DHTKD1: variants seen among roughly 807,000 people sequenced by gnomAD.
The protein encoded by DHTKD1 is 2-oxoadipate dehydrogenase complex component E1.
Under a neutral mutation model 101.8 loss-of-function variants are expected in DHTKD1, and 78 were observed. The ratio of observed to expected loss-of-function variants is 0.77; its 90% CI spans 0.64 to 0.93. DHTKD1 has a LOEUF of 0.93. Among genes scored for constraint, DHTKD1 ranks in the 40% least tolerant of loss-of-function variants. The probability of loss-of-function intolerance (pLI) is 0.00; values close to 1 mark genes in which losing one functional copy is unlikely to be tolerated. For synonymous variants in DHTKD1, 462 were observed against 450.3 expected (o/e 1.03, Z -0.33); for missense variants, 1,223 against 1,161.7 (o/e 1.05, Z -0.77).
rs968462890 is a variant in DHTKD1 at position 12,110,499 on chromosome 10, A to ATT, written c.2155-2399_2155-2398dup. On this transcript the variant is annotated intron_variant, in intron 12 of 16. Transcript: ENST00000263035. The surrounding 1 kb of genome is among the most constrained non-coding windows in gnomAD (Gnocchi z 4.9). ...CCTGATTCTAGAGAAAGGAAAGTGT[A>ATT]TTTATTTAAACATTTTTAATTGACA... Among the ~76,000 whole-genome samples the ATT allele has an allele frequency of 2.0e-5, 3 of 152,136 alleles. No individual in the cohort carries two copies. Among genetic ancestry groups the ATT allele is most frequent in the African/African-American group, 7.2e-5 (3 of 41,426 alleles).
In DHTKD1 at chr10:12,094,116, C is replaced by A; in HGVS notation, c.1203C>A (p.Ser401Arg). The change falls in exon 7 of 17, where the codon AGC becomes AGA. Residue 401 changes from serine to arginine, a missense_variant. Physicochemically the swap from Ser to Arg is moderately radical, Grantham distance 110 (BLOSUM62 -1). Transcript: ENST00000263035. ...CCATCATCCATGTCAATGGAGACAG[C>A]CCAGAGGAAGTGGTCCGTGCCACAC... Reference protein sequence around the residue: ...GCAIIHVNGDSPEEVVRATRL... With the variant: ...GCAIIHVNGDRPEEVVRATRL... The A allele has an allele frequency of 6.2e-7, 1 of 1,614,088 alleles. No individual in the cohort carries two copies.
rs1832916232 is a variant in DHTKD1, at chr10:12,087,254, G to T, written c.523-281G>T. Among the ~76,000 whole-genome samples, 1 of 152,124 alleles carries T rather than the reference G, an allele frequency of 6.6e-6. No homozygotes were observed. Among genetic ancestry groups the T allele is most frequent in the Non-Finnish European group, 1.5e-5 (1 of 68,026 alleles). On this transcript the variant is annotated intron_variant, in intron 3 of 16. Coordinates refer to ENST00000263035, the MANE Select transcript of DHTKD1 (RefSeq NM_018706.7). This position sits in a 1 kb window ranked among gnomAD's most constrained non-coding sequence, Gnocchi z 5.2. ...AGAGGCAGCAGAAATCTAAGGCCTG[G>T]ATTCCAGTCCAGAAGAACACACATT...
At chr10:12,097,526 G>A (rs1205064340) in intron 7 of DHTKD1, among the ~76,000 whole-genome samples, 158 bp from the exon 8 acceptor site, 1 of 152,074 alleles carries the variant, frequency 6.6e-6, no homozygotes, top group Non-Finnish European at 1.5e-5. Flanking sequence ...CACCCACTTT[G>A]GCCTCCCAAA....
rs187323226 is a variant in DHTKD1, at chr10:12,099,944, C to T, written c.1672-234C>T. 2.4e-4 allele frequency among the ~76,000 whole-genome samples: 37 copies of T among 151,816 alleles called. No homozygotes were observed. The East Asian group carries it at 6.0e-3, about 25-fold the overall frequency. On this transcript the variant is annotated intron_variant, in intron 8 of 16. Transcript: ENST00000263035. ...CTGAGTAGCTGGTATCATAGAGACA[C>T]GCCACCAGGCCTAGCTAATTTTTGT...
At chr10:12,080,060 C>T (rs1181395718) in intron 1 of DHTKD1, among the ~76,000 whole-genome samples, 1 of 151,982 alleles carries the variant, frequency 6.6e-6, no homozygotes, top group Non-Finnish European at 1.5e-5. Flanking sequence ...GTGGGTGGAT[C>T]ATGGCATCAG....
chr10:12,069,518 C>CTTTTTTT (rs10691718), intron 1 of DHTKD1, among the ~76,000 whole-genome samples: 4 of 81,516 alleles, frequency 4.9e-5, no homozygotes, highest in Non-Finnish European at 8.7e-5. Context: ...TTTTTGTTTC[C>CTTTTTTT]TTTTTTTTTT....
rs1285001077 is a variant in DHTKD1, at chr10:12,107,154, T to C, written c.2048-755T>C. Among the ~76,000 whole-genome samples the C allele has an allele frequency of 6.6e-6, 1 of 151,542 alleles. No homozygotes were observed. Among genetic ancestry groups the C allele is most frequent in the African/African-American group, 2.4e-5 (1 of 41,254 alleles). On this transcript the variant is annotated intron_variant, in intron 11 of 16. Transcript: ENST00000263035. This position sits in a 1 kb window ranked among gnomAD's most constrained non-coding sequence, Gnocchi z 4.1. ...GGCGCTGGTCACCACGCCCGGCTAA[T>C]TTTTTGTATTTTTAGTAGAGATGGG...
chr10:12,104,962 C>T (rs958830006), intron 10 of DHTKD1, among the ~76,000 whole-genome samples: 1 of 151,916 alleles, frequency 6.6e-6, no homozygotes, highest in East Asian at 1.9e-4. Context: ...GCAACCTCCA[C>T]CTCCCAGGTT....
chr10:12,079,435 C>T (rs1421865136), intron 1 of DHTKD1, among the ~76,000 whole-genome samples: 1 of 152,042 alleles, frequency 6.6e-6, no homozygotes, highest in Admixed American at 6.6e-5. Context: ...TTTGGGAGGC[C>T]GAGGCAGGTG....
At chr10:12,111,317 C>T (rs1833326118) in intron 12 of DHTKD1, among the ~76,000 whole-genome samples, 1 of 152,146 alleles carries the variant, frequency 6.6e-6, no homozygotes, top group African/African-American at 2.4e-5. Context: ...AGGCTTGTGC[C>T]ACGATGCCCG....
At chr10:12,073,520 T>A (rs1356528894) in intron 1 of DHTKD1, among the ~76,000 whole-genome samples, 2 of 152,130 alleles carry the variant, frequency 1.3e-5, no homozygotes, top group Non-Finnish European at 2.9e-5. Context: ...CTAATTTTTG[T>A]ATTTTTAGTA....
chr10:12,075,177 C>G (rs995192571), intron 1 of DHTKD1, among the ~76,000 whole-genome samples: 2 of 152,052 alleles, frequency 1.3e-5, no homozygotes, highest in Non-Finnish European at 2.9e-5. Context: ...ATCACTGCTT[C>G]TGTTTCTTTT....
At position 12,106,381 on chromosome 10, in the gene DHTKD1, A is replaced by C. The variant is rs1046306649; in HGVS notation, c.2032A>C (p.Thr678Pro). 2 of 1,614,036 alleles carry C rather than the reference A, an allele frequency of 1.2e-6. No individual in the cohort carries two copies. The highest frequency in any genetic ancestry group is 1.7e-6 in the Non-Finnish European group (2 of 1,180,028). ...FFNGAQIIFD[T>P]FISGGEAKWL... The stretch of plus-strand genomic sequence containing the variant: ...CAATGGTGCCCAGATCATCTTTGAC[A>C]CATTCATCTCTGGAGGTTGGTGTCA... Residue 678 changes from threonine to proline, a missense_variant, in exon 11 of 17, where the codon ACA becomes CCA. Transcript: ENST00000263035.
At chr10:12,098,440 G>T (rs148040405) in intron 8 of DHTKD1, among the ~76,000 whole-genome samples, 1 of 152,252 alleles carries the variant, frequency 6.6e-6, no homozygotes, top group African/African-American at 2.4e-5. Flanking sequence ...AAACCACCCT[G>T]GTGGACCTGG....
chr10:12,076,740 G>T (rs1832737339), intron 1 of DHTKD1, among the ~76,000 whole-genome samples: 1 of 151,746 alleles, frequency 6.6e-6, no homozygotes, highest in Non-Finnish European at 1.5e-5. Flanking sequence ...CTCACTGCAA[G>T]CTCCGCCTCC....
Position 12,123,036 on chromosome 10 carries a change from A to G in DHTKD1, c.*2148A>G, listed in dbSNP as rs1002705487. The G allele has an allele frequency of 1.3e-5, 2 of 152,182 alleles. No individual in the cohort carries two copies. Among genetic ancestry groups the G allele is most frequent in the Non-Finnish European group, 1.5e-5 (1 of 68,040 alleles). 9.4% of individuals were successfully genotyped at this position (152,182 alleles called of 1,614,324 possible). ...GTTATCAATTTAACATTTCTCTAGT[A>G]TTCATATCCCTTTTCTTACCATATA... is the stretch of plus-strand genomic sequence containing the variant. On this transcript the variant is annotated 3_prime_UTR_variant, in exon 17 of 17. Coordinates refer to ENST00000263035, the MANE Select transcript of DHTKD1 (RefSeq NM_018706.7).
rs1832928646 is a variant in DHTKD1, at chr10:12,087,831, G to A, written c.717+102G>A. ...GTGATAAATGATGGTGATGGTGATG[G>A]CCGGGCACTGTGGCTCACACCTGCA... On this transcript the variant is annotated intron_variant, in intron 4 of 16. Transcript: ENST00000263035. The surrounding 1 kb of genome is among the most constrained non-coding windows in gnomAD (Gnocchi z 5.2). 3 of 1,092,500 alleles carry A rather than the reference G, an allele frequency of 2.7e-6. No homozygotes were observed. The highest frequency in any genetic ancestry group is 2.3e-4 in the Middle Eastern group (1 of 4,444). 67.7% of individuals were successfully genotyped at this position (1,092,500 alleles called of 1,614,324 possible). A position where few individuals can be genotyped will look rare whatever the true frequency, so the allele number is the denominator to read the frequency against.
intron 10 of DHTKD1, among the ~76,000 whole-genome samples, chr10:12,105,035 T>C (rs752624104): frequency 3.3e-5 from 5 of 151,904 alleles, no homozygotes; most frequent in Non-Finnish European, 5.9e-5. Flanking sequence ...AATTTTTGTA[T>C]TTTTTGTAGA....
Position 12,113,076 on chromosome 10 carries a change from G to T in DHTKD1, c.2319+12G>T. ...TACTCAGGCTCCCGGTAAGCAGAAG[G>T]TGGTGAATAAGCCTTCCTCCTTTTG... is the stretch of plus-strand genomic sequence containing the variant. On this transcript the variant is annotated intron_variant, in intron 13 of 16. Transcript: ENST00000263035. 1.9e-6 allele frequency: 3 copies of T among 1,592,146 alleles called. No individual in the cohort carries two copies. The highest frequency in any genetic ancestry group is 2.6e-6 in the Non-Finnish European group (3 of 1,168,908).
Sources: gnomAD v4.1 joint callset for allele counts (sites outside exome capture counted in the v4.1 genomes callset) on GRCh38, gnomAD v4.1.1 for gene constraint, Gnocchi (gnomAD v3.1) non-coding constraint, MANE v1.5 for transcripts, NCBI Gene and HGNC (gene_info 2026-07-23, HGNC 2026-07-21) for gene names.